Variants in EXOC4 observed in about 807,000 individuals in gnomAD.
EXOC4 encodes SEC8-like 1.
A neutral mutation model predicts 107.2 loss-of-function variants in EXOC4; 71 were observed. The ratio of observed to expected loss-of-function variants is 0.66; its 90% CI spans 0.55 to 0.81. The LOEUF is 0.81. EXOC4 is among the 30% of genes least tolerant of loss of function. The pLI, the probability that EXOC4 is intolerant of heterozygous loss-of-function variation, is 0.00. For missense variants in EXOC4, 1,108 were observed against 1,189.6 expected, an observed-to-expected ratio of 0.93 and a Z score of 1.01; for synonymous variants, 456 against 441.2, an observed-to-expected ratio of 1.03 and a Z score of -0.42.
chr7:133,675,733 T>C (rs770557785), intron 10 of EXOC4, among the ~76,000 whole-genome samples: 8 of 152,146 alleles, frequency 5.3e-5, no homozygotes, highest in Non-Finnish European at 1.2e-4. Flanking sequence ...GGCGTAGGAG[T>C]GAGGAACTGT....
intron 10 of EXOC4, among the ~76,000 whole-genome samples, chr7:133,752,452 T>C (rs372031395): frequency 2.6e-5 from 4 of 152,292 alleles, no homozygotes; most frequent in African/African-American, 9.6e-5. Flanking sequence ...TACCCACCTT[T>C]CTGGGATGAT....
intron 7 of EXOC4, among the ~76,000 whole-genome samples, chr7:133,453,319 A>G (rs1307817403): frequency 2.6e-5 from 4 of 152,302 alleles, no homozygotes; most frequent in African/African-American, 9.6e-5. Context: ...CTGGGAGATC[A>G]TTGGTAGCAT....
At chr7:133,977,917 TAA>T (rs1252988399) in intron 14 of EXOC4, among the ~76,000 whole-genome samples, 3 of 152,168 alleles carry the variant, frequency 2.0e-5, no homozygotes, top group Non-Finnish European at 4.4e-5. Context: ...TAAATTGAAT[TAA>T]GTTTGGCCCA....
chr7:133,399,612 A>C (rs900393882), intron 7 of EXOC4, among the ~76,000 whole-genome samples: 5 of 152,232 alleles, frequency 3.3e-5, no homozygotes, highest in Non-Finnish European at 7.4e-5. Flanking sequence ...GAGTAGTCAC[A>C]GTAAGAGATG....
At position 133,928,363 on chromosome 7, in the gene EXOC4, G is replaced by T. The variant is rs1446113660; in HGVS notation, c.2028-9528G>T. ...GGTGAGACGCTCTAGTAGCACTGCC[G>T]AAAGCCCGTGCCTGCTGTAATCTTG... On this transcript the variant is annotated intron_variant, in intron 13 of 17. Coordinates refer to ENST00000253861, the MANE Select transcript of EXOC4 (RefSeq NM_021807.4). Among the ~76,000 whole-genome samples the T allele has an allele frequency of 2.0e-5, 3 of 152,254 alleles. No individual in the cohort carries two copies. The South Asian group carries it at 6.2e-4, about 32-fold the overall frequency.
chr7:133,352,627 C>A (rs2150649659), intron 5 of EXOC4, among the ~76,000 whole-genome samples: 1 of 151,984 alleles, frequency 6.6e-6, no homozygotes, highest in South Asian at 2.1e-4. Context: ...ACAGTTTAAC[C>A]CATTTACATT....
At chr7:133,543,138 C>T (rs1328781188) in intron 9 of EXOC4, among the ~76,000 whole-genome samples, 1 of 151,934 alleles carries the variant, frequency 6.6e-6, no homozygotes, top group Non-Finnish European at 1.5e-5. Context: ...ATTTAATACC[C>T]TTTGGTATTG....
At chr7:133,638,004 A>G (rs1585046955) in intron 10 of EXOC4, among the ~76,000 whole-genome samples, 1 of 152,160 alleles carries the variant, frequency 6.6e-6, no homozygotes, top group South Asian at 2.1e-4. Context: ...ACAAAAGAAT[A>G]GGCGGTTTCT....
intron 3 of EXOC4, among the ~76,000 whole-genome samples, chr7:133,305,234 G>A (rs528676198): frequency 1.3e-5 from 2 of 152,102 alleles, no homozygotes; most frequent in East Asian, 1.9e-4. Context: ...ACTTTGCACC[G>A]GGAGTATCTT....
At chr7:133,510,435 C>T (rs1799747565) in intron 9 of EXOC4, among the ~76,000 whole-genome samples, 1 of 152,146 alleles carries the variant, frequency 6.6e-6, no homozygotes, top group African/African-American at 2.4e-5. Context: ...CATTGCTCTT[C>T]AAGTCCTTAA....
At chr7:133,829,073 A>G (rs1230296831) in intron 11 of EXOC4, among the ~76,000 whole-genome samples, 1 of 152,222 alleles carries the variant, frequency 6.6e-6, no homozygotes, top group Admixed American at 6.5e-5. Context: ...TAGGATGTGT[A>G]GAAACGAAGA....
intron 14 of EXOC4, among the ~76,000 whole-genome samples, chr7:133,978,393 G>T (rs977140372): frequency 9.9e-5 from 15 of 152,168 alleles, no homozygotes; most frequent in African/African-American, 3.4e-4. Flanking sequence ...TGCATTAAAG[G>T]TAGCCCAGAG....
At chr7:133,583,687 A>C (rs566831590) in intron 9 of EXOC4, among the ~76,000 whole-genome samples, 1 of 152,352 alleles carries the variant, frequency 6.6e-6, no homozygotes, top group Non-Finnish European at 1.5e-5. Context: ...TGAGAGGTGC[A>C]GCTGAAGGGA....
chr7:133,759,660 C>A (rs1395327583), intron 10 of EXOC4, among the ~76,000 whole-genome samples: 1 of 152,156 alleles, frequency 6.6e-6, no homozygotes, highest in Non-Finnish European at 1.5e-5. Flanking sequence ...TAGATACTTG[C>A]CACCTGGAAT....
At chr7:133,766,871 G>A (rs564310240) in intron 10 of EXOC4, among the ~76,000 whole-genome samples, 1 of 152,052 alleles carries the variant, frequency 6.6e-6, no homozygotes, top group Admixed American at 6.6e-5. Flanking sequence ...ACCTATTCGA[G>A]TTAAAATTGA....
intron 17 of EXOC4, among the ~76,000 whole-genome samples, chr7:134,046,244 G>T (rs1432010420): frequency 6.6e-6 from 1 of 152,144 alleles, no homozygotes; most frequent in African/African-American, 2.4e-5. Context: ...CACGTTGGGA[G>T]GCTGAGACAG....
At chr7:133,507,302 T>G (rs1799685360) in intron 9 of EXOC4, among the ~76,000 whole-genome samples, 1 of 152,196 alleles carries the variant, frequency 6.6e-6, no homozygotes, top group African/African-American at 2.4e-5. Context: ...AAGATTTCAT[T>G]AAGTTTTTAA....
intron 9 of EXOC4, among the ~76,000 whole-genome samples, chr7:133,522,373 A>G (rs1342888410): frequency 6.6e-6 from 1 of 152,178 alleles, no homozygotes; most frequent in Non-Finnish European, 1.5e-5. Flanking sequence ...AGATAAAGAC[A>G]GTAATATGAT....
At chr7:134,064,222 G>T (rs568753348) in intron 17 of EXOC4, 69 bp from the exon 18 acceptor site, 8 of 1,035,458 alleles carry the variant, frequency 7.7e-6, no homozygotes, top group Non-Finnish European at 9.6e-6. Context: ...TATAGACAGC[G>T]TATTTGTCCC....
Sources: allele counts gnomAD v4.1 joint callset (sites outside exome capture counted in the v4.1 genomes callset), GRCh38; gene constraint gnomAD v4.1.1; transcripts MANE v1.5; gene names NCBI Gene and HGNC (gene_info 2026-07-23, HGNC 2026-07-21).